Variants in SMC2 observed in about 807,000 individuals in gnomAD.
SMC2 encodes the protein structural maintenance of chromosomes 2.
A neutral mutation model predicts 142.6 loss-of-function variants in SMC2; 41 were observed. The ratio of observed to expected loss-of-function variants is 0.29; its 90% CI spans 0.22 to 0.37. The LOEUF is 0.37. Ranked by LOEUF, SMC2 falls within the 10% of genes least tolerant of loss-of-function variation. The probability of loss-of-function intolerance (pLI) is 1.00; values close to 1 mark genes in which losing one functional copy is unlikely to be tolerated. For missense variants in SMC2, 1,265 were observed against 1,373.7 expected (o/e 0.92, Z 1.25); for synonymous variants, 463 against 457.5 (o/e 1.01, Z -0.15).
At chr9:104,094,999 A>G (rs746111499) in intron 1 of SMC2, among the ~76,000 whole-genome samples, 29 of 152,216 alleles carry the variant, frequency 1.9e-4, no homozygotes, top group Non-Finnish European at 4.0e-4. Context: ...TCAGTATCAG[A>G]GAAAAGCACA....
intron 22 of SMC2, among the ~76,000 whole-genome samples, 166 bp downstream of exon 22, chr9:104,132,291 A>G (rs1355805571): frequency 6.6e-6 from 1 of 152,096 alleles, no homozygotes; most frequent in Non-Finnish European, 1.5e-5. Context: ...TTCTTTTTGA[A>G]CTTGACTACT....
At chr9:104,103,024 A>G (rs373605844) in intron 9 of SMC2, among the ~76,000 whole-genome samples, 1 of 152,134 alleles carries the variant, frequency 6.6e-6, no homozygotes, top group Non-Finnish European at 1.5e-5. Context: ...AACTATATGA[A>G]TATTGAATCC....
intron 23 of SMC2, chr9:104,135,772 G>A (rs531150066): frequency 1.9e-4 from 98 of 506,356 alleles, no homozygotes; most frequent in African/African-American, 1.8e-3. Flanking sequence ...CCAGAAGTCT[G>A]GAACATCCGT....
chr9:104,088,296 T>A, the SMC2 span, among the ~76,000 whole-genome samples: 4 of 152,100 alleles, frequency 2.6e-5, no homozygotes, highest in Non-Finnish European at 5.9e-5. Context: ...GGCACCTTAA[T>A]GAGTGAGCAG....
intron 9 of SMC2, among the ~76,000 whole-genome samples, chr9:104,103,418 G>A (rs1353832507): frequency 1.3e-5 from 2 of 152,090 alleles, no homozygotes; most frequent in Non-Finnish European, 2.9e-5. Flanking sequence ...AGAGTTTTTG[G>A]CTTGATTTGA....
chr9:104,092,713 C>T (rs1830025997), upstream of SMC2: 1 of 152,216 alleles, frequency 6.6e-6, no homozygotes, highest in Admixed American at 6.5e-5. Context: ...ACCCATACAA[C>T]TTATTTTACT....
In SMC2 at chr9:104,124,902, T is replaced by C. The variant is rs546936925; in HGVS notation, c.2258-10T>C. The C allele has an allele frequency of 6.4e-7, 1 of 1,571,978 alleles. No homozygotes were observed. The highest frequency in any genetic ancestry group is 2.1e-5 in the Admixed American group (1 of 46,814). Reference sequence around the variant, plus strand: ...TTAACTTAGCCACATTTGCTTACTTTGTGATGCAGAGGAAAGTGAGGAGAC... The same window carrying C: ...TTAACTTAGCCACATTTGCTTACTTCGTGATGCAGAGGAAAGTGAGGAGAC... On this transcript the variant is annotated splice_polypyrimidine_tract_variant and intron_variant, in intron 17 of 24. Transcript: ENST00000374793.
At chr9:104,127,568 T>G (rs1834452019) in intron 20 of SMC2, 88 bp downstream of exon 20, 1 of 952,834 alleles carries the variant, frequency 1.0e-6, no homozygotes, top group Non-Finnish European at 1.4e-6. Flanking sequence ...GATAGAGAAC[T>G]CTATAAATAT....
At chr9:104,108,347 G>T (rs1199096045) in intron 9 of SMC2, among the ~76,000 whole-genome samples, 1 of 152,094 alleles carries the variant, frequency 6.6e-6, no homozygotes, top group Non-Finnish European at 1.5e-5. Context: ...TTAGCCATTT[G>T]GATCCACAGT....
chr9:104,102,108 A>G lies in SMC2; in HGVS notation c.785A>G (p.Lys262Arg). ...ELKEMQDKVI[K>R]LQEELSENDK... is the part of the protein sequence containing the mutation. ...AAAGAAATGCAAGATAAAGTTATAA[A>G]GCTTCAGGAAGAATTGTCTGAGAAT... Residue 262 changes from lysine (K) to arginine (R), a missense_variant, in exon 8 of 25, where the codon AAG (lysine) becomes AGG (arginine). By Grantham distance (26) the Lys-to-Arg change is conservative (BLOSUM62 2). Around this residue, in one of 4 missense-constraint regions of SMC2, gnomAD observed 898 missense variants for 904.2 expected, o/e 0.99. Coordinates refer to ENST00000374793, the MANE Select transcript of SMC2 (RefSeq NM_006444.3). 1 of 1,603,996 alleles carries G rather than the reference A, an allele frequency of 6.2e-7. No homozygotes were observed. Among genetic ancestry groups the G allele is most frequent in the Non-Finnish European group, 8.5e-7 (1 of 1,171,496 alleles).
chr9:104,108,189 T>C (rs1164294922), intron 9 of SMC2, among the ~76,000 whole-genome samples: 2 of 152,162 alleles, frequency 1.3e-5, no homozygotes, highest in African/African-American at 2.4e-5. Flanking sequence ...AACTTTTCCC[T>C]AGGAAAACTG....
In SMC2 at chr9:104,120,096, G is replaced by T; in HGVS notation, c.2066G>T (p.Arg689Ile). Residue 689 changes from arginine (R) to isoleucine (I), a missense_variant, in exon 16 of 25, where the codon AGA becomes ATA. By Grantham distance (97) the Arg-to-Ile change is moderately conservative (BLOSUM62 -3). Around this residue, in one of 4 missense-constraint regions of SMC2, gnomAD observed 898 missense variants for 904.2 expected, o/e 0.99. Coordinates refer to ENST00000374793, the MANE Select transcript of SMC2 (RefSeq NM_006444.3). ...QELKDVQDELRIKENELRALE... is the reference protein window; with the variant it reads ...QELKDVQDELIIKENELRALE... Reference sequence around the variant, plus strand: ...CTCAAAGATGTTCAGGATGAACTGAGAATCAAAGAGAATGAGCTGCGGGCT... The same window carrying T: ...CTCAAAGATGTTCAGGATGAACTGATAATCAAAGAGAATGAGCTGCGGGCT... 11 of 1,613,916 alleles carry T rather than the reference G, an allele frequency of 6.8e-6. No individual in the cohort carries two copies. The highest frequency in any genetic ancestry group is 8.5e-6 in the Non-Finnish European group (10 of 1,179,886).
intron 7 of SMC2, 67 bp from the exon 8 acceptor site, chr9:104,101,893 C>A: frequency 1.0e-6 from 1 of 952,514 alleles, no homozygotes; most frequent in Non-Finnish European, 1.6e-6. Context: ...TTTGTTTCAT[C>A]TTGCATAATT....
At chr9:104,091,155 T>C (rs930813053), upstream of SMC2, among the ~76,000 whole-genome samples, 1 of 152,208 alleles carries the variant, frequency 6.6e-6, no homozygotes, top group Non-Finnish European at 1.5e-5. Flanking sequence ...CAGTCATGCG[T>C]TGCCTAACGA....
At chr9:104,124,451 A>T (rs894575107) in intron 17 of SMC2, among the ~76,000 whole-genome samples, 7 of 152,072 alleles carry the variant, frequency 4.6e-5, no homozygotes, top group Non-Finnish European at 7.4e-5. Context: ...ATACTGTCAT[A>T]TTATTTGTCG....
chr9:104,098,882 A>G (rs1251999092), intron 4 of SMC2, among the ~76,000 whole-genome samples: 1 of 151,840 alleles, frequency 6.6e-6, no homozygotes, highest in Non-Finnish European at 1.5e-5. Flanking sequence ...TATTGGATTA[A>G]TGCATCTTAA....
In SMC2 at chr9:104,113,442, C is replaced by T. The variant is rs746255469; in HGVS notation, c.1381C>T (p.Leu461Phe). The change falls in exon 11 of 25, where the codon CTT (leucine) becomes TTT (phenylalanine). Residue 461 changes from leucine (L) to phenylalanine (F), a missense_variant. Around this residue, in one of 4 missense-constraint regions of SMC2, gnomAD observed 898 missense variants for 904.2 expected, o/e 0.99. Coordinates refer to ENST00000374793, the MANE Select transcript of SMC2 (RefSeq NM_006444.3). ...AGCTGTAAAAAGACTTAAAGAAAAACTTGAAGCTGAAATGAAAAAGCTAAA... is the reference window on the plus strand; with the variant it reads ...AGCTGTAAAAAGACTTAAAGAAAAATTTGAAGCTGAAATGAAAAAGCTAAA... ...LEAVKRLKEK[L>F]EAEMKKLNYE... The T allele has an allele frequency of 5.0e-6, 8 of 1,599,562 alleles. No individual in the cohort carries two copies. Among genetic ancestry groups the T allele is most frequent in the Middle Eastern group, 1.7e-4 (1 of 6,026 alleles).
chr9:104,121,651 G>A (rs6479214), intron 16 of SMC2, among the ~76,000 whole-genome samples: 8,637 of 152,118 alleles, frequency 0.057, 658 homozygotes, highest in African/African-American at 0.18. Context: ...GATTATTTTT[G>A]GGTATGTTTT....
chr9:104,128,266 T>G (rs2131515133), intron 20 of SMC2, among the ~76,000 whole-genome samples: 1 of 152,296 alleles, frequency 6.6e-6, no homozygotes, highest in Non-Finnish European at 1.5e-5. Flanking sequence ...GGAACTTGAT[T>G]TAAACAACAT....
Sources: allele counts gnomAD v4.1 joint callset (sites outside exome capture counted in the v4.1 genomes callset), GRCh38; gene constraint gnomAD v4.1.1; regional missense constraint gnomAD v4.1.1; transcripts MANE v1.5; gene names NCBI Gene and HGNC (gene_info 2026-07-23, HGNC 2026-07-21).